The following PLA2G4C variants were observed in gnomAD, a reference collection of about 807,000 sequenced individuals.
PLA2G4C encodes the protein phospholipase A2 group IVC.
PLA2G4C carries 64 observed loss-of-function variants against 73.8 expected under a neutral mutation model. That is an observed-to-expected ratio of 0.87 (90% CI 0.71 to 1.07). The LOEUF (loss-of-function observed/expected upper bound fraction) is 1.07, where lower values mean the gene tolerates loss of function less well. PLA2G4C is among the 50% of genes least tolerant of loss of function. The pLI is 0.00. For synonymous variants in PLA2G4C, 254 were observed against 252.1 expected (o/e 1.01, Z -0.07); for missense variants, 622 against 665.4 (o/e 0.93, Z 0.72).
At chr19:48,054,823 G>T in intron 15 of PLA2G4C, 55 bp downstream of exon 15, 1 of 1,472,550 alleles carries the variant, frequency 6.8e-7, no homozygotes, top group Non-Finnish European at 9.5e-7. Context: ...TTTATTAGCA[G>T]TGTGAGCATG....
At chr19:48,054,295 C>A (rs1967843588) in intron 15 of PLA2G4C, among the ~76,000 whole-genome samples, 1 of 151,876 alleles carries the variant, frequency 6.6e-6, no homozygotes, top group Admixed American at 6.6e-5. Context: ...CTCACGAGAC[C>A]TGATGGTATG....
intron 2 of PLA2G4C, 76 bp downstream of exon 2, chr19:48,106,446 C>T (rs189794464): frequency 2.7e-6 from 3 of 1,107,606 alleles, no homozygotes; most frequent in Admixed American, 1.7e-5. Context: ...ACAGCCCTCA[C>T]CTCTTGACAC....
At chr19:48,062,274 G>A in intron 13 of PLA2G4C, 122 bp from the exon 14 acceptor site, 2 of 826,800 alleles carry the variant, frequency 2.4e-6, no homozygotes, top group South Asian at 4.0e-5. Flanking sequence ...CAGTTGTGAG[G>A]TTGCCAACTA....
chr19:48,106,758 G>A lies in PLA2G4C; in HGVS notation c.-32-197C>T, dbSNP rs185607511. On this transcript the variant is annotated intron_variant, in intron 1 of 16. Transcript: ENST00000599921. ...GGGCGGCCAAGCGAGGAGAATGGGA[G>A]AAATATTTCAAGCGCGTCTCTCTGA... 178 of 569,094 alleles carry A rather than the reference G, an allele frequency of 3.1e-4. 1 individual carries two copies. The East Asian group carries it at 4.9e-3, about 16-fold the overall frequency. The allele number at this position is 569,094 out of a possible 1,614,324, so 35.3% of individuals were successfully genotyped here.
chr19:48,075,119 G>A (rs997062510), intron 11 of PLA2G4C, among the ~76,000 whole-genome samples: 2 of 151,450 alleles, frequency 1.3e-5, no homozygotes, highest in Non-Finnish European at 1.5e-5. Context: ...TCTTTTGCAC[G>A]CTTATTTTCT....
At position 48,074,831 on chromosome 19, in the gene PLA2G4C, G is replaced by C. The variant is rs773167949; in HGVS notation, c.942C>G (p.Leu314=). ...EPEHTWLTEM[L]ENWTRTSLEK... is the part of the protein sequence containing the mutation. ...CCAGGGAGGTCCTGGTCCAATTCTC[G>C]AGCATCTCAGTCAGCCAGGTGTGTT... Residue 314 remains leucine, a synonymous_variant, in exon 12 of 17, where the codon CTC becomes CTG. Transcript: ENST00000599921. 1 of 1,612,636 alleles carries C rather than the reference G, an allele frequency of 6.2e-7. No homozygotes were observed. Among genetic ancestry groups the C allele is most frequent in the Non-Finnish European group, 8.5e-7 (1 of 1,179,308 alleles).
At chr19:48,050,158 G>T (rs1967668812) in intron 16 of PLA2G4C, among the ~76,000 whole-genome samples, 1 of 152,282 alleles carries the variant, frequency 6.6e-6, no homozygotes, top group Non-Finnish European at 1.5e-5. Context: ...CTGACCTCAT[G>T]ATCTGCCCAC....
At chr19:48,086,421 G>A (rs562798971) in intron 9 of PLA2G4C, among the ~76,000 whole-genome samples, 1 of 152,266 alleles carries the variant, frequency 6.6e-6, no homozygotes, top group Non-Finnish European at 1.5e-5. Flanking sequence ...ACATGGGTCT[G>A]AAAACCACCC....
Position 48,071,016 on chromosome 19 carries a change from TTAGA to T in PLA2G4C, c.1007-3134_1007-3131del, listed in dbSNP as rs543130683. On this transcript the variant is annotated intron_variant, in intron 12 of 16. Transcript: ENST00000599921. ...AATTTGTTAAAATAAATATCTCTAG[TTAGA>T]TAGATAGAGATAGATAGCTATAAAT... is the stretch of plus-strand genomic sequence containing the variant. Among the ~76,000 whole-genome samples the T allele has an allele frequency of 5.1e-3, 779 of 152,222 alleles. 7 individuals carry two copies. The highest frequency in any genetic ancestry group is 0.018 in the African/African-American group (747 of 41,530).
intron 10 of PLA2G4C, among the ~76,000 whole-genome samples, chr19:48,080,577 G>A (rs753577884): frequency 3.3e-5 from 5 of 152,258 alleles, no homozygotes; most frequent in South Asian, 2.1e-4. Context: ...GGGAGGCTGA[G>A]GAGGGGAGAT....
rs560669875 is a variant in PLA2G4C, at chr19:48,080,746, T to C, written c.845-2922A>G. Among the ~76,000 whole-genome samples the C allele has an allele frequency of 8.0e-5, 12 of 149,326 alleles. No homozygotes were observed. The East Asian group carries it at 2.4e-3, about 29-fold the overall frequency. ...ATCACTTGAACCCACGAGTTGGAGG[T>C]TGCAGTGAGATTGCACCACTGCATT... On this transcript the variant is annotated intron_variant, in intron 10 of 16. Transcript: ENST00000599921.
intron 12 of PLA2G4C, among the ~76,000 whole-genome samples, chr19:48,068,623 T>C (rs578207820): frequency 1.6e-4 from 24 of 151,698 alleles, no homozygotes; most frequent in East Asian, 1.6e-3. Flanking sequence ...ACCCAGTAGT[T>C]CAAGGCTGAA....
At chr19:48,100,862 C>T (rs183409470) in intron 4 of PLA2G4C, among the ~76,000 whole-genome samples, 3,880 of 129,436 alleles carry the variant, frequency 0.03, 190 homozygotes, top group African/African-American at 0.1. Flanking sequence ...TGCAGTGAGC[C>T]GAGATCGCGC....
At chr19:48,052,874 T>A (rs1967777971) in intron 16 of PLA2G4C, 123 bp downstream of exon 16, 1 of 998,574 alleles carries the variant, frequency 1.0e-6, no homozygotes, top group South Asian at 1.7e-5. Flanking sequence ...CAAGCTCAAG[T>A]AGGGGAGACA....
At chr19:48,085,989 G>C (rs1187253947) in intron 9 of PLA2G4C, among the ~76,000 whole-genome samples, 1 of 152,194 alleles carries the variant, frequency 6.6e-6, no homozygotes, top group Non-Finnish European at 1.5e-5. Context: ...ACCCTGCAGT[G>C]GTCAGCCAAA....
At chr19:48,091,903 AAAAAAAT>A (rs1480283629) in intron 7 of PLA2G4C, among the ~76,000 whole-genome samples, 10 of 142,272 alleles carry the variant, frequency 7.0e-5, no homozygotes, top group African/African-American at 7.6e-5. Context: ...AAAAAAAAAA[AAAAAAAT>A]AGACACACCC....
intron 1 of PLA2G4C, among the ~76,000 whole-genome samples, chr19:48,108,089 G>A (rs1310599003): frequency 6.6e-6 from 1 of 152,110 alleles, no homozygotes; most frequent in African/African-American, 2.4e-5. Flanking sequence ...AGGCCCAGCT[G>A]TCTTTTCTTC....
intron 13 of PLA2G4C, among the ~76,000 whole-genome samples, chr19:48,065,379 G>A (rs1968374540): frequency 6.6e-6 from 1 of 152,066 alleles, no homozygotes; most frequent in Non-Finnish European, 1.5e-5. Context: ...ACTTTGGGAG[G>A]CCAAGGTGGG....
intron 4 of PLA2G4C, chr19:48,104,316 T>C (rs2032057099): frequency 5.4e-6 from 2 of 372,474 alleles, no homozygotes; most frequent in African/African-American, 4.2e-5. Context: ...CCCAAACTAT[T>C]GCCAGTCGGT....
Sources: allele counts gnomAD v4.1 joint callset (sites outside exome capture counted in the v4.1 genomes callset), GRCh38; gene constraint gnomAD v4.1.1; transcripts MANE v1.5; gene names NCBI Gene and HGNC (gene_info 2026-07-23, HGNC 2026-07-21).